ATRNL1: variants seen among roughly 807,000 people sequenced by gnomAD.
The protein encoded by ATRNL1 is attractin-like protein 1.
In ATRNL1, 95 loss-of-function variants were observed where a neutral mutation model predicts 182.7. The ratio of observed to expected loss-of-function variants is 0.52; its 90% CI spans 0.44 to 0.62. The LOEUF (loss-of-function observed/expected upper bound fraction) is 0.62, where lower values mean the gene tolerates loss of function less well. Ranked by LOEUF, ATRNL1 falls within the 20% of genes least tolerant of loss-of-function variation. ATRNL1 has a pLI of 0.00. For synonymous variants in ATRNL1, 576 were observed against 568.3 expected (o/e 1.01, Z -0.19); for missense variants, 1,471 against 1,679.5 (o/e 0.88, Z 2.17).
intron 8 of ATRNL1, among the ~76,000 whole-genome samples, chr10:115,182,207 A>G (rs1847775284): frequency 6.6e-6 from 1 of 151,592 alleles, no homozygotes; most frequent in Non-Finnish European, 1.5e-5. Flanking sequence ...ATTACTTATG[A>G]TGTGATAAAG....
At chr10:115,656,349 CATTCTCCCCATATCTTTATA>C (rs1860329590) in intron 26 of ATRNL1, among the ~76,000 whole-genome samples, 1 of 152,114 alleles carries the variant, frequency 6.6e-6, no homozygotes. Flanking sequence ...AGAGTTTGCA[CATTCTCCCCATATCTTTATA>C]GAGTTTGCAC....
intron 27 of ATRNL1, among the ~76,000 whole-genome samples, chr10:115,729,492 A>G (rs1175177268): frequency 1.4e-5 from 1 of 68,986 alleles, no homozygotes; most frequent in African/African-American, 5.7e-5. Context: ...CAGCTACCCC[A>G]TTTTGTGTGT....
At chr10:115,846,574 T>G (rs1555098817) in intron 27 of ATRNL1, among the ~76,000 whole-genome samples, 1 of 152,150 alleles carries the variant, frequency 6.6e-6, no homozygotes, top group African/African-American at 2.4e-5. Flanking sequence ...AAATGTTGCT[T>G]TGATATATCA....
intron 6 of ATRNL1, among the ~76,000 whole-genome samples, chr10:115,162,121 A>T (rs1424847388): frequency 2.0e-5 from 3 of 151,616 alleles, no homozygotes; most frequent in Non-Finnish European, 2.9e-5. Flanking sequence ...TGTCTTTGTA[A>T]AGTTAGGGAG....
intron 10 of ATRNL1, among the ~76,000 whole-genome samples, chr10:115,243,716 T>C (rs1440474927): frequency 6.6e-6 from 1 of 152,072 alleles, no homozygotes; most frequent in Non-Finnish European, 1.5e-5. Context: ...AAATATGAGT[T>C]CCATTTTTTC....
chr10:115,202,527 A>T lies in ATRNL1; in HGVS notation c.1349-13170A>T, dbSNP rs201225631. Among the ~76,000 whole-genome samples the T allele has an allele frequency of 2.6e-5, 4 of 152,300 alleles. No individual in the cohort carries two copies. In the East Asian group the frequency reaches 7.7e-4, roughly 29 times the overall value. Reference sequence around the variant, plus strand: ...GTCTTTGGTTCTGTTTACATGATGGATTACATTTATTGATTTGCATATATT... The same window carrying T: ...GTCTTTGGTTCTGTTTACATGATGGTTTACATTTATTGATTTGCATATATT... On this transcript the variant is annotated intron_variant, in intron 8 of 28. Transcript: ENST00000355044.
intron 8 of ATRNL1, among the ~76,000 whole-genome samples, chr10:115,206,851 G>A (rs115959537): frequency 0.011 from 1,710 of 152,006 alleles, 27 homozygotes; most frequent in African/African-American, 0.038. Flanking sequence ...CTCACCTGCC[G>A]ACAGGTCCCA....
At chr10:115,573,301 C>T (rs374218217) in intron 26 of ATRNL1, among the ~76,000 whole-genome samples, 4 of 152,048 alleles carry the variant, frequency 2.6e-5, no homozygotes, top group African/African-American at 9.7e-5. Flanking sequence ...TTCCCCCAGC[C>T]AAATTCTTCT....
intron 19 of ATRNL1, among the ~76,000 whole-genome samples, chr10:115,363,579 A>C (rs1403035579): frequency 2.0e-5 from 3 of 149,272 alleles, no homozygotes; most frequent in Non-Finnish European, 1.5e-5. Flanking sequence ...TGTTTTGGAC[A>C]TGAAGTCCTT....
In ATRNL1 at chr10:115,472,794, A is replaced by G. The variant is rs150024784; in HGVS notation, c.3654+3465A>G. On this transcript the variant is annotated intron_variant, in intron 24 of 28. Coordinates refer to ENST00000355044, the MANE Select transcript of ATRNL1 (RefSeq NM_207303.4). ...GAGAACATGTCATCTGCAAACAGAG[A>G]CAGGTTTTCTTCTTCTTTTCCAATT... Among the ~76,000 whole-genome samples the G allele has an allele frequency of 4.1e-3, 623 of 151,238 alleles. 2 individuals are homozygous for G. The highest frequency in any genetic ancestry group is 0.013 in the African/African-American group (542 of 41,424).
chr10:115,659,136 A>G (rs536255067), intron 26 of ATRNL1, among the ~76,000 whole-genome samples: 12 of 151,984 alleles, frequency 7.9e-5, no homozygotes, highest in African/African-American at 1.9e-4. Flanking sequence ...CACAGCCAAA[A>G]CATATCACCA....
intron 5 of ATRNL1, among the ~76,000 whole-genome samples, chr10:115,146,881 A>G (rs1423523115): frequency 6.6e-6 from 1 of 150,538 alleles, no homozygotes; most frequent in Admixed American, 6.6e-5. Context: ...CTGTTGAGGG[A>G]CACTTAGGTT....
At chr10:115,812,088 C>T (rs1209224806) in intron 27 of ATRNL1, among the ~76,000 whole-genome samples, 1 of 151,986 alleles carries the variant, frequency 6.6e-6, no homozygotes, top group African/African-American at 2.4e-5. Context: ...TAATGTTGCA[C>T]ATCCATCACT....
At chr10:115,127,793 A>G in intron 4 of ATRNL1, 72 bp downstream of exon 4, 3 of 1,087,004 alleles carry the variant, frequency 2.8e-6, no homozygotes, top group Admixed American at 7.3e-5. Flanking sequence ...TTTTTTGTTT[A>G]TTTTTATTAA....
At chr10:115,433,424 G>T (rs1177098799) in intron 21 of ATRNL1, among the ~76,000 whole-genome samples, 1 of 152,082 alleles carries the variant, frequency 6.6e-6, no homozygotes, top group African/African-American at 2.4e-5. Context: ...GCTATAAATT[G>T]CTATTTAAGT....
At chr10:115,369,470 C>A (rs1441482850) in intron 19 of ATRNL1, among the ~76,000 whole-genome samples, 1 of 152,044 alleles carries the variant, frequency 6.6e-6, no homozygotes, top group South Asian at 2.1e-4. Flanking sequence ...AGTATTCATC[C>A]ATTGATGGAT....
intron 27 of ATRNL1, among the ~76,000 whole-genome samples, chr10:115,769,204 ATCTTC>A (rs1201635875): frequency 2.9e-4 from 44 of 152,164 alleles, no homozygotes; most frequent in Admixed American, 2.8e-3. Flanking sequence ...TATGGAGGCT[ATCTTC>A]TCCTGCACCA....
chr10:115,756,097 T>C (rs1948582180), intron 27 of ATRNL1, among the ~76,000 whole-genome samples: 1 of 152,150 alleles, frequency 6.6e-6, no homozygotes, highest in Non-Finnish European at 1.5e-5. Flanking sequence ...ATCTATTTCG[T>C]TGATCTTTTC....
chr10:115,798,494 C>G (rs1949712892), intron 27 of ATRNL1, among the ~76,000 whole-genome samples: 1 of 152,136 alleles, frequency 6.6e-6, no homozygotes, highest in Admixed American at 6.5e-5. Context: ...TTTCATGCAC[C>G]ATACCAAAAT....
Sources: gnomAD v4.1 joint callset for allele counts (sites outside exome capture counted in the v4.1 genomes callset) on GRCh38, gnomAD v4.1.1 for gene constraint, MANE v1.5 for transcripts, NCBI Gene and HGNC (gene_info 2026-07-23, HGNC 2026-07-21) for gene names.